The following SCAF4 variants were observed in gnomAD, a reference collection of about 807,000 sequenced individuals.
SCAF4 encodes SR-related and CTD-associated factor 4.
A neutral mutation model predicts 129.8 loss-of-function variants in SCAF4; 25 were observed. The ratio of observed to expected loss-of-function variants is 0.19; its 90% CI spans 0.14 to 0.27. SCAF4 has a LOEUF of 0.27. Ranked by LOEUF, SCAF4 falls within the 10% of genes least tolerant of loss-of-function variation. The probability of loss-of-function intolerance (pLI) is 1.00; values close to 1 mark genes in which losing one functional copy is unlikely to be tolerated. For missense variants in SCAF4, 1,246 were observed against 1,457.1 expected, an observed-to-expected ratio of 0.86 and a Z score of 2.36; for synonymous variants, 551 against 497.7, an observed-to-expected ratio of 1.11 and a Z score of -1.43.
intron 1 of SCAF4, among the ~76,000 whole-genome samples, chr21:31,716,605 A>G (rs535756282): frequency 1.3e-5 from 2 of 152,276 alleles, no homozygotes; most frequent in African/African-American, 2.4e-5. Flanking sequence ...AACAAAAGAT[A>G]ATTTTAAACA....
At chr21:31,730,236 C>T (rs1176010765) in intron 1 of SCAF4, among the ~76,000 whole-genome samples, 1 of 152,216 alleles carries the variant, frequency 6.6e-6, no homozygotes, top group East Asian at 1.9e-4. Context: ...AAACAATCAG[C>T]TTCCAACCCT....
At chr21:31,725,100 G>A (rs1204643611) in intron 1 of SCAF4, among the ~76,000 whole-genome samples, 1 of 152,148 alleles carries the variant, frequency 6.6e-6, no homozygotes, top group Non-Finnish European at 1.5e-5. Context: ...TGGGATAACA[G>A]CACAACATGG....
chr21:31,711,951 G>A (rs2050809221), intron 1 of SCAF4, among the ~76,000 whole-genome samples: 1 of 152,068 alleles, frequency 6.6e-6, no homozygotes, highest in Non-Finnish European at 1.5e-5. Context: ...TGAATGTGGT[G>A]ACTTAGGAAG....
At chr21:31,713,545 T>C (rs2050854405) in intron 1 of SCAF4, among the ~76,000 whole-genome samples, 1 of 152,200 alleles carries the variant, frequency 6.6e-6, no homozygotes, top group African/African-American at 2.4e-5. Context: ...TTTTTCAAAC[T>C]GTGGGTTGAG....
chr21:31,686,225 A>AG (rs2050120966), intron 16 of SCAF4, among the ~76,000 whole-genome samples: 1 of 151,744 alleles, frequency 6.6e-6, no homozygotes, highest in South Asian at 2.1e-4. Context: ...AAGAAAAAAA[A>AG]AAAAAAGGAA....
chr21:31,712,400 T>C (rs1435907556), intron 1 of SCAF4, among the ~76,000 whole-genome samples: 2 of 151,714 alleles, frequency 1.3e-5, no homozygotes, highest in Non-Finnish European at 2.9e-5. Context: ...GCATTTTTAG[T>C]AGAGATGGGG....
chr21:31,694,102 ATTT>A, intron 11 of SCAF4, 99 bp downstream of exon 11: 2 of 648,372 alleles, frequency 3.1e-6, no homozygotes, highest in Non-Finnish European at 5.3e-6. Context: ...ACCAACTGTT[ATTT>A]TACTAACATT....
intron 19 of SCAF4, chr21:31,684,662 G>A (rs533155544): frequency 4.7e-4 from 90 of 190,836 alleles, no homozygotes; most frequent in African/African-American, 2.0e-3. Context: ...AACCTATGCC[G>A]TTAAAGAAGT....
chr21:31,671,145 C>T lies in SCAF4; in HGVS notation c.*254G>A, dbSNP rs2049678913. 2 of 350,562 alleles carry T rather than the reference C, an allele frequency of 5.7e-6. No individual in the cohort carries two copies. Among genetic ancestry groups the T allele is most frequent in the South Asian group, 1.0e-4 (1 of 9,840 alleles). The allele number at this position is 350,562 out of a possible 1,614,324, so 21.7% of individuals were successfully genotyped here. A position where few individuals can be genotyped will look rare whatever the true frequency, so the allele number is the denominator to read the frequency against. On this transcript the variant is annotated 3_prime_UTR_variant, in exon 20 of 20. Transcript: ENST00000286835. ...AAAAAATAGAGAGCACTTCTAATTA[C>T]GATTTGTAAACTTTTTAAAGTCAAA...
chr21:31,698,627 A>T lies in SCAF4; in HGVS notation c.778-1877T>A, dbSNP rs568890062. 9.9e-5 allele frequency among the ~76,000 whole-genome samples: 15 copies of T among 152,236 alleles called. No individual in the cohort carries two copies. The South Asian group carries it at 2.9e-3, about 29-fold the overall frequency. ...TGTTTTTTAGATGAAAGTAACAATA[A>T]ATCAGTAGACTCTGAGTAAAGCAGA... is the stretch of plus-strand genomic sequence containing the variant. On this transcript the variant is annotated intron_variant, in intron 7 of 19. Transcript: ENST00000286835.
At chr21:31,721,317 A>T (rs957856214) in intron 1 of SCAF4, among the ~76,000 whole-genome samples, 6 of 143,396 alleles carry the variant, frequency 4.2e-5, no homozygotes, top group Admixed American at 2.0e-4. Flanking sequence ...GTGATTTAAC[A>T]TTCAGCATCT....
intron 16 of SCAF4, among the ~76,000 whole-genome samples, chr21:31,687,812 T>C (rs2050161508): frequency 6.6e-6 from 1 of 152,074 alleles, no homozygotes; most frequent in Non-Finnish European, 1.5e-5. Flanking sequence ...ATTTTGGTTG[T>C]ATAAACATTT....
chr21:31,713,361 GA>G (rs1188514359), intron 1 of SCAF4, among the ~76,000 whole-genome samples: 3 of 152,116 alleles, frequency 2.0e-5, no homozygotes, highest in Non-Finnish European at 2.9e-5. Context: ...GTAAAATGGG[GA>G]TAACAGTAGT....
chr21:31,701,097 A>T lies in SCAF4; in HGVS notation c.675T>A (p.Ala225=), dbSNP rs186666970. 1.2e-6 allele frequency: 2 copies of T among 1,613,780 alleles called. No individual in the cohort carries two copies. Among genetic ancestry groups the T allele is most frequent in the Non-Finnish European group, 1.7e-6 (2 of 1,179,900 alleles). The change falls in exon 7 of 20, where the codon GCT becomes GCA. Residue 225 remains alanine (A), a synonymous_variant. Transcript: ENST00000286835. ...ACTGAGCTGTGATAGCCTGAACCTG[A>T]GCCATCACAGCATTGTCAAGGGCAG... ...QSPALDNAVM[A]QVQAITAQLK... is the part of the protein sequence containing the mutation.
intron 19 of SCAF4, chr21:31,683,929 G>A (rs1364032973): frequency 2.0e-5 from 3 of 153,242 alleles, no homozygotes; most frequent in African/African-American, 7.2e-5. Context: ...GTGTACTAAG[G>A]GAAATAAACT....
chr21:31,671,233 T>C lies in SCAF4; in HGVS notation c.*166A>G, dbSNP rs1344431518. 3.5e-6 allele frequency: 2 copies of C among 564,702 alleles called. No homozygotes were observed. The highest frequency in any genetic ancestry group is 3.8e-5 in the African/African-American group (2 of 53,326). The allele number at this position is 564,702 out of a possible 1,614,324, so 35.0% of individuals were successfully genotyped here. ...TCATATTTTCAGTATTTTTTGTTAT[T>C]TTGTGGCTATTTTTAAATAGAAGGG... On this transcript the variant is annotated 3_prime_UTR_variant, in exon 20 of 20. Coordinates refer to ENST00000286835, the MANE Select transcript of SCAF4 (RefSeq NM_020706.2).
intron 14 of SCAF4, among the ~76,000 whole-genome samples, chr21:31,691,525 T>C (rs1452694500): frequency 6.6e-6 from 1 of 152,290 alleles, no homozygotes; most frequent in East Asian, 1.9e-4. Flanking sequence ...ACAAAACATA[T>C]TGCTAAAAGA....
chr21:31,676,292 C>T (rs139966155), intron 19 of SCAF4, among the ~76,000 whole-genome samples: 1 of 152,126 alleles, frequency 6.6e-6, no homozygotes, highest in Non-Finnish European at 1.5e-5. Context: ...TCAAGTACCC[C>T]ACTCTTTACC....
intron 1 of SCAF4, among the ~76,000 whole-genome samples, chr21:31,710,156 T>C (rs17661225): frequency 0.031 from 4,759 of 152,086 alleles, 98 homozygotes; most frequent in Non-Finnish European, 0.046. Flanking sequence ...GAGAAAGAAA[T>C]ATGGATCTTG....
Sources: allele counts gnomAD v4.1 joint callset (sites outside exome capture counted in the v4.1 genomes callset), GRCh38; gene constraint gnomAD v4.1.1; transcripts MANE v1.5; gene names NCBI Gene and HGNC (gene_info 2026-07-23, HGNC 2026-07-21).